The following VPS37C variants were observed in gnomAD, a reference collection of about 807,000 sequenced individuals.
The protein encoded by VPS37C is vacuolar protein sorting-associated protein 37C.
In VPS37C, 9 loss-of-function variants were observed where a neutral mutation model predicts 16.1. The observed-to-expected ratio is 0.56, with a 90% CI of 0.34 to 0.97. The LOEUF is 0.97. Ranked by LOEUF, VPS37C falls within the 50% of genes least tolerant of loss-of-function variation. The probability of loss-of-function intolerance (pLI) is 0.02; values close to 1 mark genes in which losing one functional copy is unlikely to be tolerated. For synonymous variants in VPS37C, 207 were observed against 206.4 expected (o/e 1.00, Z -0.02); for missense variants, 479 against 472.7 (o/e 1.01, Z -0.12).
intron 1 of VPS37C, among the ~76,000 whole-genome samples, chr11:61,147,859 C>A (rs536656864): frequency 6.6e-6 from 1 of 152,170 alleles, no homozygotes; most frequent in Non-Finnish European, 1.5e-5. Context: ...TGTGTCTGGA[C>A]AGAATTCTGT....
Position 61,130,547 on chromosome 11 carries a change from G to A in VPS37C, c.*1273C>T, listed in dbSNP as rs138063432. On this transcript the variant is annotated 3_prime_UTR_variant, in exon 5 of 5. Coordinates refer to ENST00000301765, the MANE Select transcript of VPS37C (RefSeq NM_017966.5). ...TCAGGTAGTGGACATTTCAAGGCAC[G>A]TACAACTTCCTAAGCAATAGCAGCT... 9.4e-4 allele frequency: 235 copies of A among 248,690 alleles called. 1 individual carries two copies. Among genetic ancestry groups the A allele is most frequent in the Middle Eastern group, 4.2e-3 (3 of 722 alleles). 15.4% of individuals were successfully genotyped at this position (248,690 alleles called of 1,614,324 possible).
In VPS37C at chr11:61,131,725, A is replaced by G; in HGVS notation, c.*95T>C. 1.6e-6 allele frequency: 2 copies of G among 1,231,748 alleles called. No homozygotes were observed. Among genetic ancestry groups the G allele is most frequent in the South Asian group, 8.3e-5 (2 of 23,998 alleles). 76.3% of individuals were successfully genotyped at this position (1,231,748 alleles called of 1,614,324 possible). ...CGACGCAAGTCCACAGGGAGCACCA[A>G]CGCCACTTCCAGTTGACCCTCGAAT... On this transcript the variant is annotated 3_prime_UTR_variant, in exon 5 of 5. Transcript: ENST00000301765.
chr11:61,159,713 C>CAAAA (rs1194981181), intron 1 of VPS37C, among the ~76,000 whole-genome samples: 2 of 80,088 alleles, frequency 2.5e-5, no homozygotes, highest in East Asian at 1.3e-3. Context: ...GACTCCGTCT[C>CAAAA]AAAAAAAAAT....
chr11:61,139,890 G>A (rs1861445321), intron 1 of VPS37C, among the ~76,000 whole-genome samples: 2 of 151,904 alleles, frequency 1.3e-5, no homozygotes, highest in South Asian at 4.2e-4. Context: ...CTATAGGTGT[G>A]CGTTACCACC....
At chr11:61,138,407 C>A (rs1195103264) in intron 2 of VPS37C, 3 of 266,066 alleles carry the variant, frequency 1.1e-5, no homozygotes, top group African/African-American at 6.4e-5. Flanking sequence ...TGGGATCGCA[C>A]AAGGCTCTTG....
intron 1 of VPS37C, among the ~76,000 whole-genome samples, chr11:61,160,824 A>G (rs1853462258): frequency 6.6e-6 from 1 of 152,176 alleles, no homozygotes; most frequent in African/African-American, 2.4e-5. Context: ...CCGGGGTAAG[A>G]AATGTTCAGT....
intron 1 of VPS37C, among the ~76,000 whole-genome samples, chr11:61,146,740 A>C (rs1853212332): frequency 6.6e-6 from 1 of 152,250 alleles, no homozygotes; most frequent in Non-Finnish European, 1.5e-5. Flanking sequence ...CCTTGCACAG[A>C]GAAGAGGAAC....
rs536323774 is a variant in VPS37C at position 61,152,034 on chromosome 11, C to A, written c.-7+9357G>T. On this transcript the variant is annotated intron_variant, in intron 1 of 4. Transcript: ENST00000301765. ...TGCAGCTGTCCATCCTCCCCCAGCC[C>A]ACTTCTAATCTGCACAGAGCAAGCT... Among the ~76,000 whole-genome samples the A allele has an allele frequency of 5.9e-5, 9 of 152,284 alleles. No individual in the cohort carries two copies. The East Asian group carries it at 1.7e-3, about 29-fold the overall frequency.
At chr11:61,156,182 T>C (rs1052685206) in intron 1 of VPS37C, among the ~76,000 whole-genome samples, 4 of 152,054 alleles carry the variant, frequency 2.6e-5, no homozygotes, top group African/African-American at 7.2e-5. Context: ...ATGGGACAAA[T>C]TGAAAACAAA....
intron 1 of VPS37C, among the ~76,000 whole-genome samples, chr11:61,157,177 T>C (rs911705174): frequency 2.6e-5 from 4 of 152,302 alleles, no homozygotes; most frequent in African/African-American, 9.6e-5. Flanking sequence ...TTTTGGCTAT[T>C]GTAAATAATG....
chr11:61,149,220 A>C (rs1853262398), intron 1 of VPS37C, among the ~76,000 whole-genome samples: 1 of 152,210 alleles, frequency 6.6e-6, no homozygotes, highest in Non-Finnish European at 1.5e-5. Context: ...CAGGAGACGG[A>C]GCTTGCAGTG....
At chr11:61,156,902 C>T (rs1475388319) in intron 1 of VPS37C, among the ~76,000 whole-genome samples, 2 of 152,194 alleles carry the variant, frequency 1.3e-5, no homozygotes, top group Non-Finnish European at 2.9e-5. Context: ...TTCTCCTTTT[C>T]TCCCGTCTTC....
rs1217296208 is a variant in VPS37C, at chr11:61,132,017, C to A, written c.871G>T (p.Ala291Ser). 7.3e-7 allele frequency: 1 copy of A among 1,373,410 alleles called. No individual in the cohort carries two copies. Among genetic ancestry groups the A allele is most frequent in the Non-Finnish European group, 9.4e-7 (1 of 1,059,386 alleles). 85.1% of individuals were successfully genotyped at this position (1,373,410 alleles called of 1,614,324 possible). A position where few individuals can be genotyped will look rare whatever the true frequency, so the allele number is the denominator to read the frequency against. Residue 291 changes from alanine to serine, a missense_variant, in exon 5 of 5, where the codon GCC becomes TCC. Coordinates refer to ENST00000301765, the MANE Select transcript of VPS37C (RefSeq NM_017966.5). Reference protein sequence around the residue: ...GPGYPLRGGRAPSPGYPQQSP... With the variant: ...GPGYPLRGGRSPSPGYPQQSP... Reference sequence around the variant, plus strand: ...TGTTGAGGATAACCAGGACTGGGGGCCCTGCCTCCCCGCAAGGGGTACCCA... The same window carrying A: ...TGTTGAGGATAACCAGGACTGGGGGACCTGCCTCCCCGCAAGGGGTACCCA...
At chr11:61,134,276 A>AG in intron 2 of VPS37C, 69 bp from the exon 3 acceptor site, 1 of 1,540,582 alleles carries the variant, frequency 6.5e-7, no homozygotes, top group South Asian at 1.2e-5. Flanking sequence ...AGCCTGGGTC[A>AG]GGGGCTTCGG....
rs200927756 is a variant in VPS37C at position 61,132,214 on chromosome 11, G to A, written c.674C>T (p.Pro225Leu). ...VGPTAHGALP[P>L]APFPVVSQPS... is the part of the protein sequence containing the mutation. ...CTGGGACACTACTGGGAAAGGGGCC[G>A]GTGGCAGGGCTCCATGGGCAGTGGG... The change falls in exon 5 of 5, where the codon CCG becomes CTG. Residue 225 changes from proline (P) to leucine (L), a missense_variant. Transcript: ENST00000301765. 9.8e-5 allele frequency: 147 copies of A among 1,505,482 alleles called. No individual in the cohort carries two copies. The highest frequency in any genetic ancestry group is 3.2e-4 in the African/African-American group (23 of 71,558). 93.3% of individuals were successfully genotyped at this position (1,505,482 alleles called of 1,614,324 possible). A position where few individuals can be genotyped will look rare whatever the true frequency, so the allele number is the denominator to read the frequency against.
rs768244750 is a variant in VPS37C, at chr11:61,133,237, G to A, written c.348+18C>T. ...GACACCCCGTCCAGGGAAGAGGGGT[G>A]TCGCCTCGCCCTCTCACCTCGGACT... On this transcript the variant is annotated intron_variant, in intron 4 of 4. Coordinates refer to ENST00000301765, the MANE Select transcript of VPS37C (RefSeq NM_017966.5). The A allele has an allele frequency of 6.2e-7, 1 of 1,613,354 alleles. No homozygotes were observed. Among genetic ancestry groups the A allele is most frequent in the Admixed American group, 1.7e-5 (1 of 59,990 alleles).
chr11:61,136,219 G>A (rs1362646576), intron 2 of VPS37C, among the ~76,000 whole-genome samples: 1 of 145,402 alleles, frequency 6.9e-6, no homozygotes, highest in Non-Finnish European at 1.5e-5. Context: ...AGGCTGGAGT[G>A]CAATGGCGCA....
chr11:61,155,801 C>T (rs1270044076), intron 1 of VPS37C, among the ~76,000 whole-genome samples: 1 of 151,974 alleles, frequency 6.6e-6, no homozygotes, highest in Non-Finnish European at 1.5e-5. Flanking sequence ...TAAAGAGCAC[C>T]AAAAATGTTA....
intron 1 of VPS37C, among the ~76,000 whole-genome samples, chr11:61,142,975 T>TA: frequency 0.018 from 843 of 47,564 alleles, 14 homozygotes; most frequent in Middle Eastern, 0.026. Context: ...AAAGAATAGC[T>TA]AAAAAAAAAA....
Sources: gnomAD v4.1 joint callset for allele counts (sites outside exome capture counted in the v4.1 genomes callset) on GRCh38, gnomAD v4.1.1 for gene constraint, MANE v1.5 for transcripts, NCBI Gene and HGNC (gene_info 2026-07-23, HGNC 2026-07-21) for gene names.